The following FHIP2A variants were observed in gnomAD, a reference collection of about 807,000 sequenced individuals.
The protein encoded by FHIP2A is family with sequence similarity 160 member B1.
In FHIP2A, 46 loss-of-function variants were observed where a neutral mutation model predicts 93.5. The observed-to-expected ratio is 0.49, with a 90% CI of 0.39 to 0.63. The LOEUF is 0.63. FHIP2A is among the 20% of genes least tolerant of loss of function. FHIP2A has a pLI of 0.00. For synonymous variants in FHIP2A, 332 were observed against 326.5 expected (o/e 1.02, Z -0.18); for missense variants, 769 against 909.7 (o/e 0.85, Z 1.99).
chr10:114,842,529 A>AC lies in FHIP2A; in HGVS notation c.523-396dup, dbSNP rs543406633. ...GTTTGTACTTCCTTCCCTGCAAACC[A>AC]CCCCCCCCACCCTATGATCTTATAA... On this transcript the variant is annotated intron_variant, in intron 5 of 16. Transcript: ENST00000369248. 3.7e-3 allele frequency among the ~76,000 whole-genome samples: 552 copies of AC among 150,698 alleles called. 1 individual carries two copies. The highest frequency in any genetic ancestry group is 0.01 in the African/African-American group (421 of 40,948).
At chr10:114,847,264 C>G in intron 12 of FHIP2A, 31 bp downstream of exon 12, 1 of 1,579,130 alleles carries the variant, frequency 6.3e-7, no homozygotes, top group Non-Finnish European at 8.6e-7. Context: ...TGACTTCCAT[C>G]TCTCTTGTTT....
intron 14 of FHIP2A, among the ~76,000 whole-genome samples, chr10:114,856,969 T>C (rs568298547): frequency 4.6e-5 from 7 of 152,268 alleles, no homozygotes; most frequent in African/African-American, 1.7e-4. Context: ...GGTGCAACTG[T>C]AGTCCCAGCT....
At chr10:114,836,045 T>TA in intron 4 of FHIP2A, 79 bp from the exon 5 acceptor site, 2 of 1,088,776 alleles carry the variant, frequency 1.8e-6, no homozygotes, top group Non-Finnish European at 2.7e-6. Context: ...TAAATATCCT[T>TA]AAGGTAAATG....
intron 16 of FHIP2A, among the ~76,000 whole-genome samples, chr10:114,896,774 G>A (rs1292856547): frequency 6.6e-6 from 1 of 152,206 alleles, no homozygotes; most frequent in Non-Finnish European, 1.5e-5. Flanking sequence ...TAGGGCACAG[G>A]TCATCAGGAC....
At chr10:114,832,166 G>A (rs1314333310) in intron 2 of FHIP2A, among the ~76,000 whole-genome samples, 1 of 152,092 alleles carries the variant, frequency 6.6e-6, no homozygotes, top group East Asian at 1.9e-4. Context: ...GTATAATAAG[G>A]ATGGGTTGAT....
intron 1 of FHIP2A, 53 bp downstream of exon 1, chr10:114,822,176 G>T (rs2984931): frequency 8.8e-7 from 1 of 1,141,406 alleles, no homozygotes. Context: ...GGCGGCCTAC[G>T]CTCCCCGGCG....
chr10:114,828,005 CTT>C (rs72339114), intron 1 of FHIP2A, among the ~76,000 whole-genome samples: 61,613 of 148,306 alleles, frequency 0.42, 13,101 homozygotes, highest in Non-Finnish European at 0.48. Context: ...CTGATTCACA[CTT>C]TTTTTTTTTT....
chr10:114,855,191 C>T lies in FHIP2A; in HGVS notation c.1804-6C>T. On this transcript the variant is annotated splice_polypyrimidine_tract_variant and splice_region_variant and intron_variant, in intron 13 of 16. Coordinates refer to ENST00000369248, the MANE Select transcript of FHIP2A (RefSeq NM_020940.4). The stretch of plus-strand genomic sequence containing the variant: ...TTTAATGATTCACATGCTTTTTTCC[C>T]CCTAGTTCCGAGACTACTGTGCTAT... 2 of 1,599,670 alleles carry T rather than the reference C, an allele frequency of 1.3e-6. No individual in the cohort carries two copies. The highest frequency in any genetic ancestry group is 1.7e-6 in the Non-Finnish European group (2 of 1,173,652).
intron 16 of FHIP2A, among the ~76,000 whole-genome samples, chr10:114,894,028 A>G (rs1359854402): frequency 6.6e-6 from 1 of 152,078 alleles, no homozygotes; most frequent in Non-Finnish European, 1.5e-5. Context: ...GTGACCATTT[A>G]TCACTTTTAT....
In FHIP2A at chr10:114,893,442, G is replaced by A. The variant is rs142496370; in HGVS notation, c.2193-6048G>A. Among the ~76,000 whole-genome samples, 262 of 152,288 alleles carry A rather than the reference G, an allele frequency of 1.7e-3. 1 individual carries two copies. The highest frequency in any genetic ancestry group is 6.0e-3 in the African/African-American group (249 of 41,564). ...TATGCAAGTCAGCCAATCGGGAACA[G>A]AGTTAGTCTAATAGATGAGCTTCTG... On this transcript the variant is annotated intron_variant, in intron 16 of 16. Coordinates refer to the FHIP2A transcript ENST00000369250.
chr10:114,899,205 A>G (rs2084015176), intron 16 of FHIP2A, among the ~76,000 whole-genome samples: 1 of 152,174 alleles, frequency 6.6e-6, no homozygotes, highest in Admixed American at 6.5e-5. Context: ...TTAAGACCCT[A>G]CATTTAGGGG....
exon 17 of FHIP2A, chr10:114,899,755 C>G (rs557665010): frequency 2.2e-6 from 1 of 451,790 alleles, no homozygotes; most frequent in East Asian, 3.3e-5. Context: ...GGGGCTATTA[C>G]TGGGAAAAAG....
chr10:114,829,232 G>T (rs1332310229), intron 1 of FHIP2A, among the ~76,000 whole-genome samples: 1 of 151,322 alleles, frequency 6.6e-6, no homozygotes, highest in Non-Finnish European at 1.5e-5. Flanking sequence ...CTAAACAAGG[G>T]ATGGCTTATT....
chr10:114,853,489 A>G (rs1018724686), intron 13 of FHIP2A, among the ~76,000 whole-genome samples: 1 of 152,220 alleles, frequency 6.6e-6, no homozygotes, highest in Non-Finnish European at 1.5e-5. Flanking sequence ...AGTAACATTC[A>G]AATAACAATA....
At chr10:114,889,677 C>A (rs1255356635) in intron 16 of FHIP2A, among the ~76,000 whole-genome samples, 1 of 152,230 alleles carries the variant, frequency 6.6e-6, no homozygotes, top group African/African-American at 2.4e-5. Context: ...CAATGGCTGA[C>A]CCTGACCTGC....
Position 114,863,953 on chromosome 10 carries a change from CTTTACT to C in FHIP2A, c.*2415_*2420del. ...TTTGTTTTTAGTTATGAGCCGCATT[CTTTACT>C]TGATAGAACTCAGATTTGTCTTAGC... is the stretch of plus-strand genomic sequence containing the variant. On this transcript the variant is annotated 3_prime_UTR_variant, in exon 17 of 17. Coordinates refer to ENST00000369248, the MANE Select transcript of FHIP2A (RefSeq NM_020940.4). 1 of 1,058,674 alleles carries C rather than the reference CTTTACT, an allele frequency of 9.4e-7. No homozygotes were observed. Among genetic ancestry groups the C allele is most frequent in the African/African-American group, 1.7e-5 (1 of 58,204 alleles). 65.6% of individuals were successfully genotyped at this position (1,058,674 alleles called of 1,614,324 possible).
chr10:114,855,176 C>A (rs761225424), intron 13 of FHIP2A, 21 bp from the exon 14 acceptor site: 3 of 1,591,952 alleles, frequency 1.9e-6, no homozygotes, highest in Non-Finnish European at 2.6e-6. Context: ...TTTAATGATT[C>A]ACATGCTTTT....
At chr10:114,824,508 GT>G (rs1460903325) in intron 1 of FHIP2A, among the ~76,000 whole-genome samples, 1 of 152,084 alleles carries the variant, frequency 6.6e-6, no homozygotes, top group Admixed American at 6.6e-5. Flanking sequence ...TAGACCTAAT[GT>G]TTTCATTTGT....
chr10:114,853,421 T>C (rs1240634818), intron 13 of FHIP2A, among the ~76,000 whole-genome samples: 2 of 152,192 alleles, frequency 1.3e-5, no homozygotes, highest in African/African-American at 4.8e-5. Context: ...ATACTTTAAG[T>C]CCACATTAGT....
Sources: allele counts gnomAD v4.1 joint callset (sites outside exome capture counted in the v4.1 genomes callset), GRCh38; gene constraint gnomAD v4.1.1; transcripts MANE v1.5; gene names NCBI Gene and HGNC (gene_info 2026-07-23, HGNC 2026-07-21).